The following ADAMTSL1 variants were observed in gnomAD, a reference collection of about 807,000 sequenced individuals.
ADAMTSL1 encodes the protein ADAMTS like 1.
In ADAMTSL1, 126 loss-of-function variants were observed where a neutral mutation model predicts 201.8. The observed-to-expected ratio is 0.62, with a 90% CI of 0.54 to 0.72. The LOEUF (loss-of-function observed/expected upper bound fraction) is 0.72. Ranked by LOEUF, ADAMTSL1 falls within the 30% of genes least tolerant of loss-of-function variation. The pLI, the probability that ADAMTSL1 is intolerant of heterozygous loss-of-function variation, is 0.00. For missense variants in ADAMTSL1, 2,679 were observed against 2,277.8 expected (o/e 1.18, Z -3.59); for synonymous variants, 1,121 against 903.4 (o/e 1.24, Z -4.32).
chr9:17,917,776 T>G (rs35312810), intron 1 of ADAMTSL1, among the ~76,000 whole-genome samples: 3,057 of 152,046 alleles, frequency 0.02, 52 homozygotes, highest in Non-Finnish European at 0.033. Flanking sequence ...TGTTTAAGAA[T>G]TCACCAGTGA....
rs141068837 is a variant in ADAMTSL1 at position 18,306,702 on chromosome 9, C to T, written c.207+142721C>T. Among the ~76,000 whole-genome samples the T allele has an allele frequency of 4.2e-3, 645 of 152,196 alleles. 11 individuals are homozygous for T. The highest frequency in any genetic ancestry group is 0.027 in the Middle Eastern group (8 of 294). On this transcript the variant is annotated intron_variant, in intron 2 of 29. Coordinates refer to the ADAMTSL1 transcript ENST00000680146. ...AGAAATATGGGACTATGTGAAAAGA[C>T]CAAATCTACGTTTGATTGGTGTACC... is the stretch of plus-strand genomic sequence containing the variant.
At position 18,284,613 on chromosome 9, in the gene ADAMTSL1, C is replaced by G. The variant is rs57582354; in HGVS notation, c.207+120632C>G. On this transcript the variant is annotated intron_variant, in intron 2 of 29. Coordinates refer to the ADAMTSL1 transcript ENST00000680146. ...CCAGGCAGTCTGAGTCCAAAACTCA[C>G]GGCCTCAAGTAATATGTCATCTGTT... Among the ~76,000 whole-genome samples, 82 of 152,242 alleles carry G rather than the reference C, an allele frequency of 5.4e-4. 2 individuals carry two copies. In the South Asian group the frequency reaches 0.017, roughly 31 times the overall value.
chr9:18,071,628 C>G (rs959883533), intron 1 of ADAMTSL1, among the ~76,000 whole-genome samples: 3 of 152,200 alleles, frequency 2.0e-5, no homozygotes, highest in African/African-American at 7.2e-5. Context: ...AAATGGCCCT[C>G]TGCTTTTATC....
At chr9:17,934,396 C>G (rs1826918720) in intron 1 of ADAMTSL1, among the ~76,000 whole-genome samples, 1 of 152,138 alleles carries the variant, frequency 6.6e-6, no homozygotes, top group Non-Finnish European at 1.5e-5. Flanking sequence ...CCTTGGCTAG[C>G]TAAAATGCTT....
At chr9:18,346,279 AG>A (rs1425276785) in intron 2 of ADAMTSL1, among the ~76,000 whole-genome samples, 2 of 152,010 alleles carry the variant, frequency 1.3e-5, no homozygotes, top group East Asian at 3.9e-4. Context: ...GCATATAGCC[AG>A]CCTCTTGGGC....
intron 15 of ADAMTSL1, among the ~76,000 whole-genome samples, chr9:18,725,505 A>T (rs759485713): frequency 6.6e-6 from 1 of 152,220 alleles, no homozygotes; most frequent in Non-Finnish European, 1.5e-5. Context: ...TAAAAGCCAT[A>T]TCATCCACCC....
At chr9:18,784,169 C>T (rs1356621119) in intron 19 of ADAMTSL1, among the ~76,000 whole-genome samples, 1 of 152,212 alleles carries the variant, frequency 6.6e-6, no homozygotes, top group Non-Finnish European at 1.5e-5. Flanking sequence ...CCCTTCCTTA[C>T]AGGAAGCCTA....
At position 18,353,361 on chromosome 9, in the gene ADAMTSL1, T is replaced by C. The variant is rs554725119; in HGVS notation, c.208-151468T>C. 7.9e-5 allele frequency among the ~76,000 whole-genome samples: 12 copies of C among 152,330 alleles called. 1 individual carries two copies. The highest frequency in any genetic ancestry group is 2.6e-4 in the African/African-American group (11 of 41,580). On this transcript the variant is annotated intron_variant, in intron 2 of 29. Coordinates refer to the ADAMTSL1 transcript ENST00000680146. The stretch of plus-strand genomic sequence containing the variant: ...AACCTTAAACCTGGACTCAAGTGTC[T>C]AGTTCTAGCACAACTTACTGAAGAA...
intron 23 of ADAMTSL1, among the ~76,000 whole-genome samples, chr9:18,856,193 T>TA (rs1428110171): frequency 6.6e-6 from 1 of 152,160 alleles, no homozygotes; most frequent in Non-Finnish European, 1.5e-5. Flanking sequence ...ACTGCCGAGA[T>TA]AAAAATATTA....
In ADAMTSL1 at chr9:18,706,966, C is replaced by T. The variant is rs373891228; in HGVS notation, c.1794C>T (p.Leu598=). Residue 598 remains leucine (L), a synonymous_variant, in exon 14 of 29, where the codon CTC becomes CTT. Transcript: ENST00000380548. ...PEFNPDETDG[L]FGGLQDFDEL... is the part of the protein sequence containing the mutation. The stretch of plus-strand genomic sequence containing the variant: ...TCAACCCAGACGAGACAGATGGGCT[C>T]TTTGGTGGCCTGCAGGATTTCGACG... 146 of 1,613,928 alleles carry T rather than the reference C, an allele frequency of 9.0e-5. 2 individuals are homozygous for T. In the East Asian group the frequency reaches 1.5e-3, roughly 17 times the overall value.
At chr9:18,074,903 A>G (rs1204503370) in intron 1 of ADAMTSL1, among the ~76,000 whole-genome samples, 1 of 152,060 alleles carries the variant, frequency 6.6e-6, no homozygotes, top group East Asian at 1.9e-4. Context: ...ACCACATTGC[A>G]TTTCCCCTCA....
chr9:17,941,220 T>C (rs1216719877), intron 1 of ADAMTSL1, among the ~76,000 whole-genome samples: 1 of 152,090 alleles, frequency 6.6e-6, no homozygotes, highest in Non-Finnish European at 1.5e-5. Context: ...TCATAGATAT[T>C]GTGTCTTGAA....
intron 15 of ADAMTSL1, among the ~76,000 whole-genome samples, chr9:18,731,740 C>T (rs916215849): frequency 6.6e-6 from 1 of 152,050 alleles, no homozygotes; most frequent in African/African-American, 2.4e-5. Context: ...GAAGGCAGAG[C>T]AGGGGTAGCA....
At chr9:18,051,731 A>G (rs890587923) in intron 1 of ADAMTSL1, among the ~76,000 whole-genome samples, 1 of 152,210 alleles carries the variant, frequency 6.6e-6, no homozygotes, top group Admixed American at 6.5e-5. Context: ...TTTGTAAAGA[A>G]GAGTGACTTT....
chr9:18,044,085 T>G (rs981194967), intron 1 of ADAMTSL1, among the ~76,000 whole-genome samples: 3 of 150,588 alleles, frequency 2.0e-5, no homozygotes, highest in African/African-American at 7.4e-5. Flanking sequence ...TTTGAGCACC[T>G]GCTATGTGTA....
In ADAMTSL1 at chr9:18,558,020, A is replaced by G. The variant is rs554766635; in HGVS notation, c.238-16010A>G. 1.2e-3 allele frequency among the ~76,000 whole-genome samples: 180 copies of G among 152,144 alleles called. 5 individuals are homozygous for G. In the South Asian group the frequency reaches 0.034, roughly 29 times the overall value. The stretch of plus-strand genomic sequence containing the variant: ...TGCTGAGGGAGAGTTGCTTTTTTAA[A>G]AAAATATACTTTAAATACTGGGATA... On this transcript the variant is annotated intron_variant, in intron 3 of 28. Coordinates refer to ENST00000380548, the MANE Select transcript of ADAMTSL1 (RefSeq NM_001040272.6).
chr9:18,885,805 C>A (rs1443619952), intron 23 of ADAMTSL1, among the ~76,000 whole-genome samples: 1 of 152,038 alleles, frequency 6.6e-6, no homozygotes, highest in Non-Finnish European at 1.5e-5. Context: ...AGGTGCCCAG[C>A]TGAACAAGTA....
At chr9:18,539,308 G>A (rs1422712433) in intron 3 of ADAMTSL1, among the ~76,000 whole-genome samples, 1 of 152,170 alleles carries the variant, frequency 6.6e-6, no homozygotes, top group African/African-American at 2.4e-5. Context: ...CAGAGGCTAG[G>A]AGAAAAGACA....
At chr9:18,022,616 A>G (rs1820525784) in intron 1 of ADAMTSL1, among the ~76,000 whole-genome samples, 1 of 152,120 alleles carries the variant, frequency 6.6e-6, no homozygotes, top group Non-Finnish European at 1.5e-5. Context: ...ATGTGTGTAC[A>G]AGGCTTGTGA....
Sources: gnomAD v4.1 joint callset for allele counts (sites outside exome capture counted in the v4.1 genomes callset) on GRCh38, gnomAD v4.1.1 for gene constraint, MANE v1.5 for transcripts, NCBI Gene and HGNC (gene_info 2026-07-23, HGNC 2026-07-21) for gene names.